Variants in DOCK10 observed in about 807,000 individuals in gnomAD.
DOCK10 encodes the protein dedicator of cytokinesis 10.
Under a neutral mutation model 280.1 loss-of-function variants are expected in DOCK10, and 145 were observed. The observed-to-expected ratio is 0.52, with a 90% CI of 0.45 to 0.59. DOCK10 has a LOEUF of 0.59. Among genes scored for constraint, DOCK10 ranks in the 20% least tolerant of loss-of-function variants. The probability of loss-of-function intolerance (pLI) is 0.00; values close to 1 mark genes in which losing one functional copy is unlikely to be tolerated. For missense variants in DOCK10, 2,368 were observed against 2,651.7 expected, an observed-to-expected ratio of 0.89 and a Z score of 2.35; for synonymous variants, 915 against 942.2, an observed-to-expected ratio of 0.97 and a Z score of 0.53.
At chr2:224,999,713 T>G (rs1273346373) in intron 1 of DOCK10, among the ~76,000 whole-genome samples, 2 of 13,334 alleles carry the variant, frequency 1.5e-4, no homozygotes, top group South Asian at 7.6e-3. Context: ...TATAATGGTG[T>G]TTTTTTTTTT....
chr2:225,000,298 A>C (rs963777257), intron 1 of DOCK10, among the ~76,000 whole-genome samples: 1 of 152,130 alleles, frequency 6.6e-6, no homozygotes, highest in Non-Finnish European at 1.5e-5. Flanking sequence ...TTATTGCTGC[A>C]GTTTATAATG....
At chr2:224,839,216 C>G (rs1190120101) in intron 24 of DOCK10, among the ~76,000 whole-genome samples, 39 of 151,504 alleles carry the variant, frequency 2.6e-4, no homozygotes, top group African/African-American at 8.0e-4. Flanking sequence ...GTAGCTGGGA[C>G]TACAGGCACC....
chr2:224,953,946 T>C (rs1172116970), intron 1 of DOCK10, among the ~76,000 whole-genome samples: 1 of 150,274 alleles, frequency 6.7e-6, no homozygotes, highest in African/African-American at 2.5e-5. Flanking sequence ...TGTGTGTGTG[T>C]GATGCATGCT....
intron 52 of DOCK10, among the ~76,000 whole-genome samples, chr2:224,774,615 C>T (rs1033278542): frequency 6.6e-6 from 1 of 152,220 alleles, no homozygotes; most frequent in African/African-American, 2.4e-5. Context: ...GAGGAAAGTT[C>T]AGAGTGCCTT....
Position 224,976,682 on chromosome 2 carries a change from T to TAA in DOCK10, c.124-45016_124-45015dup, listed in dbSNP as rs34819325. On this transcript the variant is annotated intron_variant, in intron 1 of 55. Transcript: ENST00000258390. Reference sequence around the variant, plus strand: ...ATACGCTGTAGAGGTCAAAGTTAATTAAAAAAAAAAAAAAAAAGGTTCCTT... The same window carrying TAA: ...ATACGCTGTAGAGGTCAAAGTTAATTAAAAAAAAAAAAAAAAAAAGGTTCCTT... Among the ~76,000 whole-genome samples the TAA allele has an allele frequency of 7.4e-3, 965 of 130,230 alleles. 9 individuals are homozygous for TAA. Among genetic ancestry groups the TAA allele is most frequent in the African/African-American group, 0.021 (709 of 34,452 alleles). The allele number at this position is 130,230 out of a possible 152,430, so 85.4% of individuals were successfully genotyped here.
chr2:224,886,104 C>G lies in DOCK10; in HGVS notation c.571G>C (p.Gly191Arg), dbSNP rs773037606. 3 of 1,613,830 alleles carry G rather than the reference C, an allele frequency of 1.9e-6. No homozygotes were observed. The highest frequency in any genetic ancestry group is 2.5e-6 in the Non-Finnish European group (3 of 1,179,864). The change falls in exon 6 of 56, where the codon GGG becomes CGG. Residue 191 changes from glycine to arginine, a missense_variant. Gly to Arg is a moderately radical substitution (Grantham distance 125, BLOSUM62 -2). This residue lies in a region of DOCK10 where 1,209 missense variants were observed against 1,250.9 expected (regional missense o/e 0.97). Transcript: ENST00000258390. Reference sequence around the variant, plus strand: ...TTGTTCACGGTGCTGTTAAAATTCCCCTTGTAGAGCCAGCCGGACTTGAAA... The same window carrying G: ...TTGTTCACGGTGCTGTTAAAATTCCGCTTGTAGAGCCAGCCGGACTTGAAA... Reference protein sequence around the residue: ...GVFKSGWLYKGNFNSTVNNTV... With the variant: ...GVFKSGWLYKRNFNSTVNNTV...
At chr2:224,865,233 TC>T in intron 11 of DOCK10, 146 bp from the exon 12 acceptor site, 1 of 702,580 alleles carries the variant, frequency 1.4e-6, no homozygotes, top group Non-Finnish European at 2.4e-6. Flanking sequence ...AATCCTGTCC[TC>T]CAGCAAGTGC....
At position 224,805,607 on chromosome 2, in the gene DOCK10, C is replaced by T. The variant is rs768894085; in HGVS notation, c.3815-78G>A. The T allele has an allele frequency of 4.0e-5, 63 of 1,570,292 alleles. No homozygotes were observed. The highest frequency in any genetic ancestry group is 2.0e-4 in the Middle Eastern group (1 of 4,896). ...CACACAAAAGGTTCACATGATGAAC[C>T]AAAAAGATGTTGATACTGAGGTAGC... On this transcript the variant is annotated intron_variant, in intron 34 of 55. Coordinates refer to ENST00000258390, the MANE Select transcript of DOCK10 (RefSeq NM_014689.3). This position sits in a 1 kb window ranked among gnomAD's most constrained non-coding sequence, Gnocchi z 4.3.
chr2:224,959,378 A>G (rs1704231601), intron 1 of DOCK10, among the ~76,000 whole-genome samples: 1 of 151,914 alleles, frequency 6.6e-6, no homozygotes, highest in South Asian at 2.1e-4. Context: ...AACAACTTGT[A>G]TCAGCCATTT....
chr2:224,905,408 C>T (rs1040255260), intron 3 of DOCK10, among the ~76,000 whole-genome samples: 7 of 151,878 alleles, frequency 4.6e-5, no homozygotes, highest in East Asian at 1.9e-4. Context: ...CCACCGCGCC[C>T]GGCTAATTTT....
intron 19 of DOCK10, among the ~76,000 whole-genome samples, chr2:224,846,217 G>A (rs1377099845): frequency 6.6e-6 from 1 of 152,138 alleles, no homozygotes; most frequent in Non-Finnish European, 1.5e-5. Context: ...CTAGGGTATG[G>A]ACTAAATACA....
intron 7 of DOCK10, among the ~76,000 whole-genome samples, chr2:224,881,422 A>G (rs1698971583): frequency 6.6e-6 from 1 of 152,344 alleles, no homozygotes; most frequent in South Asian, 2.1e-4. Flanking sequence ...TTCACTGCTT[A>G]AAGCTCCACA....
intron 44 of DOCK10, 178 bp from the exon 45 acceptor site, chr2:224,795,272 T>A: frequency 1.6e-6 from 1 of 612,690 alleles, no homozygotes; most frequent in Non-Finnish European, 2.8e-6. Context: ...TACACACATT[T>A]GAAGATAAAC....
intron 14 of DOCK10, 87 bp from the exon 15 acceptor site, chr2:224,857,069 A>G: frequency 1.8e-6 from 2 of 1,113,976 alleles, no homozygotes; most frequent in Non-Finnish European, 2.4e-6. Flanking sequence ...TAAACTTCTC[A>G]TTTATAATCA....
At chr2:224,882,262 A>G (rs1291055965) in intron 7 of DOCK10, among the ~76,000 whole-genome samples, 1 of 152,244 alleles carries the variant, frequency 6.6e-6, no homozygotes, top group Non-Finnish European at 1.5e-5. Flanking sequence ...AGGATAACAC[A>G]GGCCTAAATA....
At position 224,919,341 on chromosome 2, in the gene DOCK10, T is replaced by A. The variant is rs542725164; in HGVS notation, c.244-2557A>T. Among the ~76,000 whole-genome samples, 11 of 143,036 alleles carry A rather than the reference T, an allele frequency of 7.7e-5. 1 individual carries two copies. Among genetic ancestry groups the A allele is most frequent in the Non-Finnish European group, 1.4e-4 (9 of 65,394 alleles). 93.8% of individuals were successfully genotyped at this position (143,036 alleles called of 152,430 possible). ...GTGTGAGTGTGTGGTGTATGTGTGG[T>A]ATGAGTATGTGTGATGTGTGTCTGT... On this transcript the variant is annotated intron_variant, in intron 2 of 55. Coordinates refer to ENST00000258390, the MANE Select transcript of DOCK10 (RefSeq NM_014689.3).
In DOCK10 at chr2:224,849,491, G is replaced by A. The variant is rs1164707584; in HGVS notation, c.2235+16C>T. The A allele has an allele frequency of 1.0e-5, 16 of 1,589,134 alleles. 1 individual carries two copies. In the East Asian group the frequency reaches 2.5e-4, roughly 25 times the overall value. On this transcript the variant is annotated intron_variant, in intron 19 of 55. Transcript: ENST00000258390. ...TTCTTAGGAACCGCTGGGGGCAGTGGAGGGCTAGCTCTTACCTCATCTGAG... is the reference window on the plus strand; with the variant it reads ...TTCTTAGGAACCGCTGGGGGCAGTGAAGGGCTAGCTCTTACCTCATCTGAG...
chr2:225,035,020 A>C (rs540011876), intron 1 of DOCK10, among the ~76,000 whole-genome samples: 18 of 152,304 alleles, frequency 1.2e-4, no homozygotes, highest in Admixed American at 1.0e-3. Flanking sequence ...GGGACAAAGA[A>C]GTGGGAAATT....
chr2:225,000,151 T>C (rs138356535), intron 1 of DOCK10, among the ~76,000 whole-genome samples: 1 of 152,240 alleles, frequency 6.6e-6, no homozygotes, highest in East Asian at 1.9e-4. Flanking sequence ...ACAAAGGCTA[T>C]GTTCTATCAT....
Sources: gnomAD v4.1 joint callset for allele counts (sites outside exome capture counted in the v4.1 genomes callset) on GRCh38, gnomAD v4.1.1 for gene constraint, gnomAD v4.1.1 regional missense constraint, Gnocchi (gnomAD v3.1) non-coding constraint, MANE v1.5 for transcripts, NCBI Gene and HGNC (gene_info 2026-07-23, HGNC 2026-07-21) for gene names.